Variants in SRBD1 observed in about 807,000 individuals in gnomAD.
The protein encoded by SRBD1 is S1 RNA binding domain 1.
SRBD1 carries 88 observed loss-of-function variants against 115.3 expected under a neutral mutation model. The observed-to-expected ratio is 0.76, with a 90% CI of 0.64 to 0.91. The LOEUF is 0.91. Among genes scored for constraint, SRBD1 ranks in the 40% least tolerant of loss-of-function variants. The pLI is 0.00. For missense variants in SRBD1, 1,385 were observed against 1,177.4 expected, an observed-to-expected ratio of 1.18 and a Z score of -2.58; for synonymous variants, 509 against 407.7, an observed-to-expected ratio of 1.25 and a Z score of -2.99.
chr2:45,469,928 C>G (rs1184185754), intron 16 of SRBD1, among the ~76,000 whole-genome samples: 1 of 152,196 alleles, frequency 6.6e-6, no homozygotes, highest in African/African-American at 2.4e-5. Context: ...GAGAATTCAC[C>G]TGTGTAAATA....
chr2:45,443,091 A>C (rs2103715428), intron 16 of SRBD1, among the ~76,000 whole-genome samples: 1 of 152,188 alleles, frequency 6.6e-6, no homozygotes, highest in East Asian at 1.9e-4. Context: ...AAGGAGTTTG[A>C]ATTTTATTCC....
chr2:45,593,280 C>T (rs555966324), intron 4 of SRBD1, among the ~76,000 whole-genome samples: 2 of 152,000 alleles, frequency 1.3e-5, no homozygotes, highest in African/African-American at 2.4e-5. Flanking sequence ...AACTGAGGGC[C>T]GAAAAAGTAA....
intron 15 of SRBD1, among the ~76,000 whole-genome samples, chr2:45,487,119 C>T (rs905668816): frequency 2.0e-5 from 3 of 152,010 alleles, no homozygotes; most frequent in South Asian, 2.1e-4. Flanking sequence ...CTCTTTTGGA[C>T]GTAAGAACGC....
chr2:45,605,506 G>T, intron 1 of SRBD1, 65 bp from the exon 2 acceptor site: 1 of 1,404,324 alleles, frequency 7.1e-7, no homozygotes, highest in Non-Finnish European at 1.0e-6. Context: ...TTGGCTACAA[G>T]TAATGGGTCA....
chr2:45,475,949 T>A (rs2103816671), intron 16 of SRBD1, among the ~76,000 whole-genome samples: 1 of 152,328 alleles, frequency 6.6e-6, no homozygotes, highest in African/African-American at 2.4e-5. Context: ...TCCACCTGCC[T>A]TGGCCTCCCA....
chr2:45,413,566 T>C (rs1667669752), intron 18 of SRBD1, among the ~76,000 whole-genome samples: 1 of 152,052 alleles, frequency 6.6e-6, no homozygotes, highest in Non-Finnish European at 1.5e-5. Flanking sequence ...AATAATAATA[T>C]TTCCCAGAGC....
intron 14 of SRBD1, among the ~76,000 whole-genome samples, chr2:45,545,486 A>T (rs1236406976): frequency 2.0e-5 from 3 of 152,074 alleles, no homozygotes; most frequent in African/African-American, 7.2e-5. Context: ...TAACCACTAC[A>T]AATGTATGCA....
At chr2:45,588,437 CA>C (rs1378976479) in intron 4 of SRBD1, among the ~76,000 whole-genome samples, 1 of 152,182 alleles carries the variant, frequency 6.6e-6, no homozygotes, top group African/African-American at 2.4e-5. Flanking sequence ...CTGACCCTCA[CA>C]AAATCAACTC....
intron 20 of SRBD1, 79 bp downstream of exon 20, chr2:45,392,866 T>A: frequency 2.3e-6 from 3 of 1,298,764 alleles, no homozygotes; most frequent in Non-Finnish European, 3.1e-6. Context: ...GCTTATGGCA[T>A]AGGATTGCTG....
intron 14 of SRBD1, among the ~76,000 whole-genome samples, chr2:45,522,220 G>C (rs1440765727): frequency 1.3e-5 from 2 of 151,686 alleles, no homozygotes; most frequent in Non-Finnish European, 2.9e-5. Context: ...GTCTCATTCT[G>C]TTGCCCAGGC....
chr2:45,577,673 G>C (rs545014436), intron 7 of SRBD1, among the ~76,000 whole-genome samples: 3 of 151,936 alleles, frequency 2.0e-5, no homozygotes, highest in Admixed American at 6.6e-5. Context: ...AAAAAAAACT[G>C]AACTATCTGG....
chr2:45,579,315 G>C (rs556789266), intron 7 of SRBD1, among the ~76,000 whole-genome samples: 1 of 152,268 alleles, frequency 6.6e-6, no homozygotes, highest in African/African-American at 2.4e-5. Flanking sequence ...AGAAGTGTGA[G>C]AGTGGAGCTT....
At chr2:45,537,999 G>A (rs1037575481) in intron 14 of SRBD1, among the ~76,000 whole-genome samples, 1 of 152,178 alleles carries the variant, frequency 6.6e-6, no homozygotes, top group South Asian at 2.1e-4. Flanking sequence ...CAGGCAAGGA[G>A]GTATGAGCCA....
At chr2:45,476,780 A>C (rs1243108107) in intron 16 of SRBD1, among the ~76,000 whole-genome samples, 1 of 152,222 alleles carries the variant, frequency 6.6e-6, no homozygotes, top group East Asian at 1.9e-4. Context: ...ACCACAGTCA[A>C]TTCTAAGTCT....
intron 2 of SRBD1, among the ~76,000 whole-genome samples, chr2:45,602,948 C>T (rs1259575580): frequency 6.6e-6 from 1 of 152,124 alleles, no homozygotes; most frequent in African/African-American, 2.4e-5. Context: ...TACTGGTGTT[C>T]TCTTCAGAGG....
At chr2:45,592,028 C>G (rs951195967) in intron 4 of SRBD1, among the ~76,000 whole-genome samples, 3 of 152,142 alleles carry the variant, frequency 2.0e-5, no homozygotes, top group Admixed American at 6.5e-5. Context: ...GGGGGCCAGT[C>G]TCTCCTGTGC....
intron 16 of SRBD1, among the ~76,000 whole-genome samples, chr2:45,459,456 T>A (rs1669249430): frequency 6.6e-6 from 1 of 151,762 alleles, no homozygotes; most frequent in African/African-American, 2.4e-5. Context: ...GGAATGAACA[T>A]GCTTATACCT....
chr2:45,539,547 A>G (rs1236294193), intron 14 of SRBD1, among the ~76,000 whole-genome samples: 1 of 152,222 alleles, frequency 6.6e-6, no homozygotes, highest in East Asian at 1.9e-4. Flanking sequence ...AAAATGGACT[A>G]TCTCAAACTC....
chr2:45,597,701 G>A (rs769616132), intron 4 of SRBD1, among the ~76,000 whole-genome samples: 5 of 152,128 alleles, frequency 3.3e-5, no homozygotes, highest in Non-Finnish European at 5.9e-5. Flanking sequence ...ACCACATTCT[G>A]TCCCTTTTGT....
Sources: gnomAD v4.1 joint callset for allele counts (sites outside exome capture counted in the v4.1 genomes callset) on GRCh38, gnomAD v4.1.1 for gene constraint, MANE v1.5 for transcripts, NCBI Gene and HGNC (gene_info 2026-07-23, HGNC 2026-07-21) for gene names.